Variants in SLC25A21 observed in about 807,000 individuals in gnomAD.
SLC25A21 encodes mitochondrial 2-oxodicarboxylate carrier.
Under a neutral mutation model 43.8 loss-of-function variants are expected in SLC25A21, and 47 were observed. The ratio of observed to expected loss-of-function variants is 1.07; its 90% CI spans 0.85 to 1.37. The LOEUF is 1.37. SLC25A21 is among the 40% of genes most tolerant of loss of function. The pLI is 0.00. For synonymous variants in SLC25A21, 131 were observed against 121.3 expected (o/e 1.08, Z -0.52); for missense variants, 352 against 350.2 (o/e 1.00, Z -0.04).
chr14:36,820,896 G>A (rs1394835532), intron 2 of SLC25A21, among the ~76,000 whole-genome samples: 1 of 152,154 alleles, frequency 6.6e-6, no homozygotes, highest in African/African-American at 2.4e-5. Context: ...CACTTGAGAA[G>A]CCCACTAATG....
intron 1 of SLC25A21, among the ~76,000 whole-genome samples, chr14:37,067,500 T>C (rs369329485): frequency 1.7e-4 from 26 of 151,408 alleles, no homozygotes; most frequent in African/African-American, 6.4e-4. Flanking sequence ...AATAAAGAGA[T>C]TTTTTTTCTA....
chr14:36,727,920 T>TA (rs1884666180), intron 5 of SLC25A21, among the ~76,000 whole-genome samples: 2 of 152,192 alleles, frequency 1.3e-5, no homozygotes, highest in African/African-American at 4.8e-5. Context: ...CTGGGAAAGC[T>TA]AAAATCCAGA....
intron 1 of SLC25A21, among the ~76,000 whole-genome samples, chr14:37,052,047 T>C (rs1961718903): frequency 6.6e-6 from 1 of 151,890 alleles, no homozygotes; most frequent in African/African-American, 2.4e-5. Context: ...TGTGGCTTTA[T>C]GTTCCAATCT....
At position 36,765,088 on chromosome 14, in the gene SLC25A21, C is replaced by G. The variant is rs558369885; in HGVS notation, c.204-30515G>C. Among the ~76,000 whole-genome samples the G allele has an allele frequency of 3.3e-5, 5 of 152,348 alleles. No individual in the cohort carries two copies. The East Asian group carries it at 9.7e-4, about 29-fold the overall frequency. On this transcript the variant is annotated intron_variant, in intron 3 of 9. Transcript: ENST00000331299. ...ATGGGAGAAGTGATGCTGGGCCAGT[C>G]ACTTGGCCCAGGCCTTATGCAGCTA...
intron 1 of SLC25A21, among the ~76,000 whole-genome samples, chr14:36,897,353 C>T (rs1471518922): frequency 3.3e-5 from 5 of 152,110 alleles, no homozygotes; most frequent in African/African-American, 7.2e-5. Flanking sequence ...CTTGTGCATT[C>T]GTCATGTTCT....
At chr14:36,722,286 G>A (rs1013958757) in intron 6 of SLC25A21, among the ~76,000 whole-genome samples, 1 of 152,130 alleles carries the variant, frequency 6.6e-6, no homozygotes, top group Admixed American at 6.6e-5. Flanking sequence ...GGGGAGGGGA[G>A]GGATGAATCG....
chr14:36,921,099 G>C (rs1266943749), intron 1 of SLC25A21, among the ~76,000 whole-genome samples: 1 of 152,018 alleles, frequency 6.6e-6, no homozygotes, highest in African/African-American at 2.4e-5. Flanking sequence ...TTTTAGGCCT[G>C]GTTCTTAAAA....
chr14:36,785,321 A>G (rs1315126878), intron 3 of SLC25A21, among the ~76,000 whole-genome samples: 1 of 152,224 alleles, frequency 6.6e-6, no homozygotes, highest in African/African-American at 2.4e-5. Context: ...AAACCAAACC[A>G]ACTAGCAAAC....
chr14:36,808,442 A>G (rs935173892), intron 3 of SLC25A21, among the ~76,000 whole-genome samples: 1 of 152,180 alleles, frequency 6.6e-6, no homozygotes, highest in Admixed American at 6.5e-5. Flanking sequence ...GCTTTCATAC[A>G]TTACTTGAAG....
intron 1 of SLC25A21, among the ~76,000 whole-genome samples, chr14:36,880,795 T>A (rs148694856): frequency 1.3e-5 from 2 of 152,302 alleles, no homozygotes; most frequent in Non-Finnish European, 2.9e-5. Flanking sequence ...AGAAGTATGA[T>A]ATTGTTAATC....
intron 6 of SLC25A21, among the ~76,000 whole-genome samples, chr14:36,718,118 A>T (rs1036748626): frequency 6.6e-6 from 1 of 152,216 alleles, no homozygotes; most frequent in Admixed American, 6.5e-5. Context: ...GATATATAGT[A>T]GATATTCTGT....
chr14:37,074,726 G>A (rs778211558), intron 1 of SLC25A21, among the ~76,000 whole-genome samples: 2 of 152,048 alleles, frequency 1.3e-5, no homozygotes, highest in African/African-American at 2.4e-5. Flanking sequence ...CCAGCTACTC[G>A]AGAGGCTGAG....
At chr14:36,719,990 G>A (rs189020239) in intron 6 of SLC25A21, among the ~76,000 whole-genome samples, 17 of 152,230 alleles carry the variant, frequency 1.1e-4, no homozygotes, top group African/African-American at 3.4e-4. Flanking sequence ...GCTCTGTGCC[G>A]TGCTGCACTT....
At chr14:37,146,013 T>C (rs1252866092) in intron 1 of SLC25A21, among the ~76,000 whole-genome samples, 2 of 152,092 alleles carry the variant, frequency 1.3e-5, no homozygotes, top group African/African-American at 4.8e-5. Context: ...CAAACAGCAA[T>C]GATTCTCCTC....
chr14:37,022,070 C>T (rs571750738), intron 1 of SLC25A21, among the ~76,000 whole-genome samples: 19 of 151,016 alleles, frequency 1.3e-4, no homozygotes, highest in South Asian at 8.4e-4. Flanking sequence ...TTTTTTCCTA[C>T]GAGGATTCAT....
chr14:36,851,113 C>T (rs1245158482), intron 2 of SLC25A21, among the ~76,000 whole-genome samples: 1 of 152,156 alleles, frequency 6.6e-6, no homozygotes, highest in Admixed American at 6.6e-5. Flanking sequence ...TATGAATAGG[C>T]TTCAGATGCT....
intron 1 of SLC25A21, among the ~76,000 whole-genome samples, chr14:37,130,229 A>G (rs1468371887): frequency 1.3e-5 from 2 of 152,102 alleles, no homozygotes; most frequent in Non-Finnish European, 2.9e-5. Context: ...GGGCCTCTGT[A>G]CTTGTGCTTT....
At chr14:37,158,627 C>G (rs1381547425) in intron 1 of SLC25A21, among the ~76,000 whole-genome samples, 1 of 152,126 alleles carries the variant, frequency 6.6e-6, no homozygotes, top group Admixed American at 6.6e-5. Context: ...TAGTATCATA[C>G]TGAATAGCAG....
At position 36,823,062 on chromosome 14, in the gene SLC25A21, A is replaced by G. The variant is rs577185358; in HGVS notation, c.120-9061T>C. On this transcript the variant is annotated intron_variant, in intron 2 of 9. Transcript: ENST00000331299. ...ATTTGACATTGCAAAATGAATTGTGATAAGAGAGTTTATTCCACCCTCTGG... is the reference window on the plus strand; with the variant it reads ...ATTTGACATTGCAAAATGAATTGTGGTAAGAGAGTTTATTCCACCCTCTGG... Among the ~76,000 whole-genome samples, 7 of 152,310 alleles carry G rather than the reference A, an allele frequency of 4.6e-5. No individual in the cohort carries two copies. The South Asian group carries it at 1.0e-3, about 23-fold the overall frequency.
Sources: allele counts gnomAD v4.1 joint callset (sites outside exome capture counted in the v4.1 genomes callset), GRCh38; gene constraint gnomAD v4.1.1; transcripts MANE v1.5; gene names NCBI Gene and HGNC (gene_info 2026-07-23, HGNC 2026-07-21).